The following MEIKIN variants were observed in gnomAD, a reference collection of about 807,000 sequenced individuals.
MEIKIN encodes the protein meiosis-specific kinetochore protein.
At chr5:131,891,175 G>T (rs1580893098) in intron 8 of MEIKIN, among the ~76,000 whole-genome samples, 1 of 152,208 alleles carries the variant, frequency 6.6e-6, no homozygotes, top group East Asian at 1.9e-4. Flanking sequence ...GTGTGGTGCT[G>T]AAAAGAATGT....
At chr5:131,906,620 G>A (rs1751247177) in intron 8 of MEIKIN, among the ~76,000 whole-genome samples, 1 of 152,078 alleles carries the variant, frequency 6.6e-6, no homozygotes, top group Non-Finnish European at 1.5e-5. Context: ...CAACCTAAAT[G>A]TTCATCAATG....
chr5:131,817,804 C>T (rs1294647630), intron 12 of MEIKIN, among the ~76,000 whole-genome samples: 1 of 151,988 alleles, frequency 6.6e-6, no homozygotes, highest in East Asian at 1.9e-4. Flanking sequence ...GAAATAAGTA[C>T]AAGAATTAAG....
chr5:131,892,877 G>A (rs957054600), intron 8 of MEIKIN, among the ~76,000 whole-genome samples: 3 of 152,108 alleles, frequency 2.0e-5, no homozygotes, highest in Non-Finnish European at 2.9e-5. Context: ...TGATGGTGAC[G>A]TACAGATGGG....
intron 1 of MEIKIN, 25 bp downstream of exon 1, chr5:131,945,375 C>T: frequency 2.5e-6 from 1 of 398,992 alleles, no homozygotes; most frequent in Non-Finnish European, 4.4e-6. Context: ...GCTGAGCTTA[C>T]GGTGGGCGAG....
rs80154356 is a variant in MEIKIN at position 131,886,691 on chromosome 5, G to C, written c.704-7643C>G. On this transcript the variant is annotated intron_variant, in intron 8 of 12. Transcript: ENST00000442687. ...CATTTACAAAGAAAAGGACATGAAT[G>C]AGCAATAAGAAATAATGTGAAGGTA... 3.3e-3 allele frequency among the ~76,000 whole-genome samples: 510 copies of C among 152,256 alleles called. 4 individuals are homozygous for C. Among genetic ancestry groups the C allele is most frequent in the African/African-American group, 0.012 (485 of 41,542 alleles).
chr5:131,850,636 A>T (rs1156926829), intron 11 of MEIKIN, among the ~76,000 whole-genome samples: 1 of 152,178 alleles, frequency 6.6e-6, no homozygotes, highest in Non-Finnish European at 1.5e-5. Context: ...CAAAAGAATG[A>T]AGCTGGACCC....
chr5:131,899,375 A>G (rs193266989), intron 8 of MEIKIN, among the ~76,000 whole-genome samples: 10 of 152,200 alleles, frequency 6.6e-5, no homozygotes, highest in African/African-American at 2.4e-4. Flanking sequence ...CTATACCACT[A>G]GAGTAAATCA....
intron 8 of MEIKIN, among the ~76,000 whole-genome samples, chr5:131,895,441 G>A (rs540670557): frequency 6.6e-6 from 1 of 151,998 alleles, no homozygotes; most frequent in Non-Finnish European, 1.5e-5. Context: ...TTCTATTGAT[G>A]GGAATAGTTT....
intron 11 of MEIKIN, among the ~76,000 whole-genome samples, chr5:131,825,563 G>C (rs769259923): frequency 1.3e-5 from 2 of 152,142 alleles, no homozygotes; most frequent in Admixed American, 6.6e-5. Flanking sequence ...AGTCACACAG[G>C]CATGTAGTTC....
At chr5:131,895,182 G>C (rs1751014702) in intron 8 of MEIKIN, among the ~76,000 whole-genome samples, 1 of 152,160 alleles carries the variant, frequency 6.6e-6, no homozygotes, top group Non-Finnish European at 1.5e-5. Context: ...TTATGTGATG[G>C]ATTACGTTTA....
intron 9 of MEIKIN, among the ~76,000 whole-genome samples, chr5:131,871,559 C>G (rs995029098): frequency 1.3e-5 from 2 of 152,228 alleles, no homozygotes; most frequent in Admixed American, 1.3e-4. Context: ...TCTGTAGGCT[C>G]CACCTCTGGG....
intron 8 of MEIKIN, among the ~76,000 whole-genome samples, chr5:131,898,549 A>G (rs1294170526): frequency 6.6e-6 from 1 of 152,252 alleles, no homozygotes; most frequent in Non-Finnish European, 1.5e-5. Flanking sequence ...CTATAGACGC[A>G]GTAAGCCTTG....
intron 8 of MEIKIN, among the ~76,000 whole-genome samples, chr5:131,899,514 C>T (rs1355883443): frequency 7.4e-6 from 1 of 135,086 alleles, no homozygotes; most frequent in Non-Finnish European, 1.6e-5. Flanking sequence ...ACTGTCCAAT[C>T]AAAAGACACA....
chr5:131,869,823 C>T (rs1297922490), intron 9 of MEIKIN, among the ~76,000 whole-genome samples: 1 of 152,306 alleles, frequency 6.6e-6, no homozygotes, highest in South Asian at 2.1e-4. Context: ...CAATGGTTCC[C>T]ATGGAGGTTT....
rs189584476 is a variant in MEIKIN, at chr5:131,832,412, G to A, written c.976-13549C>T. On this transcript the variant is annotated intron_variant, in intron 11 of 12. Transcript: ENST00000442687. ...GCAGCTCCACCCCTGTGGCTTTGCA[G>A]GGTACAACCTCCCTCCTGGATGCTT... is the stretch of plus-strand genomic sequence containing the variant. Among the ~76,000 whole-genome samples the A allele has an allele frequency of 7.5e-3, 1,138 of 152,266 alleles. 45 individuals are homozygous for A. The highest frequency in any genetic ancestry group is 0.066 in the Admixed American group (1,015 of 15,280).
At chr5:131,824,207 C>A (rs1749569496) in intron 11 of MEIKIN, among the ~76,000 whole-genome samples, 1 of 152,076 alleles carries the variant, frequency 6.6e-6, no homozygotes, top group African/African-American at 2.4e-5. Context: ...GAACAAGCAA[C>A]CAAAAACTAT....
chr5:131,919,430 A>T (rs1438795819), intron 6 of MEIKIN, among the ~76,000 whole-genome samples: 1 of 152,244 alleles, frequency 6.6e-6, no homozygotes, highest in Non-Finnish European at 1.5e-5. Context: ...TCATAGGTTT[A>T]TTCATTGCAG....
At chr5:131,825,030 A>AAG (rs1749588129) in intron 11 of MEIKIN, among the ~76,000 whole-genome samples, 1 of 151,484 alleles carries the variant, frequency 6.6e-6, no homozygotes, top group Non-Finnish European at 1.5e-5. Context: ...ACTGAAAAAA[A>AAG]AAGAAGAAGA....
At chr5:131,888,120 T>C (rs1469509007) in intron 8 of MEIKIN, among the ~76,000 whole-genome samples, 1 of 147,810 alleles carries the variant, frequency 6.8e-6, no homozygotes, top group East Asian at 1.9e-4. Context: ...CGTTGGACAT[T>C]TGGGTTGGTT....
Sources: gnomAD v4.1 joint callset for allele counts (sites outside exome capture counted in the v4.1 genomes callset) on GRCh38, gnomAD v4.1.1 for gene constraint, MANE v1.5 for transcripts, NCBI Gene and HGNC (gene_info 2026-07-23, HGNC 2026-07-21) for gene names.